Variants in TENM3 observed in about 807,000 individuals in gnomAD.
The protein encoded by TENM3 is teneurin-3.
In TENM3, 63 loss-of-function variants were observed where a neutral mutation model predicts 255.1. The ratio of observed to expected loss-of-function variants is 0.25; its 90% CI spans 0.20 to 0.30. The LOEUF is 0.30. TENM3 is among the 10% of genes least tolerant of loss of function. The pLI is 1.00. For missense variants in TENM3, 2,929 were observed against 3,461.1 expected, an observed-to-expected ratio of 0.85 and a Z score of 3.86; for synonymous variants, 1,306 against 1,322.3, an observed-to-expected ratio of 0.99 and a Z score of 0.27.
chr4:182,408,101 G>GA (rs1489818096), intron 3 of TENM3, among the ~76,000 whole-genome samples: 4 of 152,058 alleles, frequency 2.6e-5, no homozygotes, highest in Non-Finnish European at 5.9e-5. Context: ...CTCTTCATGG[G>GA]AAAAAGGCAC....
At chr4:181,984,816 G>T in the TENM3 span, among the ~76,000 whole-genome samples, 1 of 151,404 alleles carries the variant, frequency 6.6e-6, no homozygotes, top group South Asian at 2.1e-4. Flanking sequence ...GTGTGTGTGT[G>T]TGTGTGTGTG....
chr4:181,511,141 G>A, the TENM3 span, among the ~76,000 whole-genome samples: 8 of 152,152 alleles, frequency 5.3e-5, no homozygotes, highest in Non-Finnish European at 8.8e-5. Flanking sequence ...TTCTAGAATC[G>A]AGGAGAAAGC....
chr4:182,625,887 C>T lies in TENM3; in HGVS notation c.750-2764C>T, dbSNP rs536951756. Among the ~76,000 whole-genome samples, 8 of 152,208 alleles carry T rather than the reference C, an allele frequency of 5.3e-5. No individual in the cohort carries two copies. In the South Asian group the frequency reaches 1.5e-3, roughly 28 times the overall value. On this transcript the variant is annotated intron_variant, in intron 4 of 27. Coordinates refer to ENST00000511685, the MANE Select transcript of TENM3 (RefSeq NM_001080477.4). The stretch of plus-strand genomic sequence containing the variant: ...CCTGAAAAGAGCGAGAATCTAGGTC[C>T]GGGCCAACATGATTCACAGGCCAGA...
At chr4:182,078,154 A>G in the TENM3 span, among the ~76,000 whole-genome samples, 1 of 152,002 alleles carries the variant, frequency 6.6e-6, no homozygotes, top group South Asian at 2.1e-4. Context: ...TGAGCCCAGG[A>G]GTTTGAGGCT....
the TENM3 span, among the ~76,000 whole-genome samples, chr4:181,984,821 TG>T: frequency 9.9e-5 from 15 of 150,930 alleles, no homozygotes; most frequent in African/African-American, 3.4e-4. Context: ...TGTGTGTGTG[TG>T]TGTGTGTGTG....
intron 1 of TENM3, among the ~76,000 whole-genome samples, chr4:182,205,613 G>T (rs370489638): frequency 1.3e-5 from 2 of 152,270 alleles, no homozygotes; most frequent in African/African-American, 4.8e-5. Flanking sequence ...CACATCTGGC[G>T]ACCTAACTCA....
intron 6 of TENM3, among the ~76,000 whole-genome samples, chr4:182,667,231 C>A (rs930347088): frequency 3.3e-5 from 5 of 151,838 alleles, no homozygotes; most frequent in Non-Finnish European, 7.4e-5. Context: ...TGCTCTGTTG[C>A]CCAGGCTAGA....
At chr4:181,563,435 A>G in the TENM3 span, among the ~76,000 whole-genome samples, 1 of 152,206 alleles carries the variant, frequency 6.6e-6, no homozygotes. Context: ...ATCTTGACGT[A>G]ACTAATGATA....
intron 3 of TENM3, among the ~76,000 whole-genome samples, chr4:182,426,915 G>C: frequency 6.6e-6 from 1 of 152,040 alleles, no homozygotes. Flanking sequence ...TTCTAAACAT[G>C]TTTCCAAAAT....
intron 3 of TENM3, among the ~76,000 whole-genome samples, chr4:182,459,233 T>A (rs1342698094): frequency 6.6e-6 from 1 of 152,158 alleles, no homozygotes; most frequent in Non-Finnish European, 1.5e-5. Flanking sequence ...TAAAAGCCTG[T>A]GAGGCCTTTT....
At chr4:182,196,935 G>A (rs977478442) in intron 1 of TENM3, among the ~76,000 whole-genome samples, 2 of 151,748 alleles carry the variant, frequency 1.3e-5, no homozygotes, top group Non-Finnish European at 2.9e-5. Flanking sequence ...CATCATTTCC[G>A]GTCATCTTCT....
the TENM3 span, among the ~76,000 whole-genome samples, chr4:181,639,958 C>G: frequency 1.3e-5 from 2 of 152,164 alleles, no homozygotes. Context: ...AATGCCGTGT[C>G]GCTTTGCCAT....
the TENM3 span, among the ~76,000 whole-genome samples, chr4:181,753,236 A>C: frequency 6.6e-6 from 1 of 152,230 alleles, no homozygotes; most frequent in Non-Finnish European, 1.5e-5. Flanking sequence ...CTTCACACAG[A>C]AATGCTTTAA....
chr4:182,180,580 C>T (rs1025542913), intron 1 of TENM3, among the ~76,000 whole-genome samples: 1 of 150,976 alleles, frequency 6.6e-6, no homozygotes, highest in Non-Finnish European at 1.5e-5. Context: ...GCTTTTTTAA[C>T]TTTAATATAT....
chr4:181,571,391 T>C, the TENM3 span, among the ~76,000 whole-genome samples: 150,323 of 152,308 alleles, frequency 0.99, 74,219 homozygotes, highest in East Asian at 1. Flanking sequence ...GGCTGGAGTG[T>C]AGTGATGCGA....
At chr4:181,821,476 G>A in the TENM3 span, 1 of 152,194 alleles carries the variant, frequency 6.6e-6, no homozygotes, top group Non-Finnish European at 1.5e-5. Context: ...GCTCCTAGCA[G>A]AGGGCTTAGT....
At chr4:182,383,940 G>T (rs1465668101) in intron 3 of TENM3, among the ~76,000 whole-genome samples, 2 of 152,172 alleles carry the variant, frequency 1.3e-5, no homozygotes, top group African/African-American at 2.4e-5. Context: ...TCTGCCAGAG[G>T]CAGGACCGTA....
chr4:181,525,854 C>A, the TENM3 span, among the ~76,000 whole-genome samples: 1 of 152,190 alleles, frequency 6.6e-6, no homozygotes, highest in African/African-American at 2.4e-5. Flanking sequence ...CGCTACTTCT[C>A]ACATCTCCCT....
chr4:181,567,171 A>C, the TENM3 span, among the ~76,000 whole-genome samples: 1 of 152,228 alleles, frequency 6.6e-6, no homozygotes, highest in African/African-American at 2.4e-5. Context: ...CTGTGGGCAA[A>C]GTGGAGCATA....
Sources: gnomAD v4.1 joint callset for allele counts (sites outside exome capture counted in the v4.1 genomes callset) on GRCh38, gnomAD v4.1.1 for gene constraint, MANE v1.5 for transcripts, NCBI Gene and HGNC (gene_info 2026-07-23, HGNC 2026-07-21) for gene names.